BNC2: variants seen among roughly 807,000 people sequenced by gnomAD.
The protein encoded by BNC2 is zinc finger protein basonuclin-2.
A neutral mutation model predicts 76.3 loss-of-function variants in BNC2; 20 were observed. The ratio of observed to expected loss-of-function variants is 0.26; its 90% CI spans 0.18 to 0.38. The LOEUF is 0.38. Ranked by LOEUF, BNC2 falls within the 10% of genes least tolerant of loss-of-function variation. The pLI is 1.00. For missense variants in BNC2, 1,382 were observed against 1,399.8 expected (o/e 0.99, Z 0.20); for synonymous variants, 582 against 514.8 (o/e 1.13, Z -1.77).
intron 5 of BNC2, among the ~76,000 whole-genome samples, chr9:16,458,633 A>G (rs1446209694): frequency 1.3e-5 from 2 of 152,256 alleles, no homozygotes; most frequent in East Asian, 3.9e-4. Context: ...TGTACAAAAA[A>G]CATTTCCTAC....
At chr9:16,641,416 A>G (rs1330944795) in intron 3 of BNC2, among the ~76,000 whole-genome samples, 1 of 152,214 alleles carries the variant, frequency 6.6e-6, no homozygotes, top group Non-Finnish European at 1.5e-5. Flanking sequence ...TCTACACCAA[A>G]TAAATTTGCT....
intron 5 of BNC2, among the ~76,000 whole-genome samples, chr9:16,446,610 G>A (rs933108202): frequency 2.6e-5 from 4 of 152,072 alleles, no homozygotes; most frequent in Non-Finnish European, 5.9e-5. Context: ...CAGGGCACTA[G>A]TTTCATGTGG....
At chr9:16,778,159 C>T (rs556887893) in intron 1 of BNC2, among the ~76,000 whole-genome samples, 1 of 152,138 alleles carries the variant, frequency 6.6e-6, no homozygotes, top group Non-Finnish European at 1.5e-5. Flanking sequence ...CAATGACTCT[C>T]ATAATGAGGA....
intron 1 of BNC2, among the ~76,000 whole-genome samples, chr9:16,813,508 G>A (rs1412690011): frequency 5.3e-5 from 8 of 151,840 alleles, no homozygotes; most frequent in South Asian, 2.1e-4. Flanking sequence ...CTCATGATCC[G>A]CCCACCTCAG....
At position 16,700,536 on chromosome 9, in the gene BNC2, C is replaced by G. The variant is rs558714636; in HGVS notation, c.330+27261G>C. Reference sequence around the variant, plus strand: ...TGCTGCGCAAGCTGGACTCAAAACTCCTCGGCTCAAGCAATCCTCCTGACT... The same window carrying G: ...TGCTGCGCAAGCTGGACTCAAAACTGCTCGGCTCAAGCAATCCTCCTGACT... On this transcript the variant is annotated intron_variant, in intron 3 of 6. Transcript: ENST00000380672. Among the ~76,000 whole-genome samples the G allele has an allele frequency of 4.6e-5, 7 of 152,334 alleles. No individual in the cohort carries two copies. The South Asian group carries it at 1.5e-3, about 32-fold the overall frequency.
At chr9:16,816,091 C>CT (rs1313551530) in intron 1 of BNC2, among the ~76,000 whole-genome samples, 1 of 152,074 alleles carries the variant, frequency 6.6e-6, no homozygotes, top group East Asian at 1.9e-4. Context: ...AAACATTTCC[C>CT]TTTTTTCCCT....
intron 1 of BNC2, among the ~76,000 whole-genome samples, chr9:16,812,222 G>A (rs572597975): frequency 1.3e-5 from 2 of 152,372 alleles, no homozygotes; most frequent in Non-Finnish European, 2.9e-5. Context: ...CTGGCTTGAT[G>A]TAAGGGCTCT....
intron 3 of BNC2, among the ~76,000 whole-genome samples, chr9:16,644,856 T>C (rs1021334446): frequency 6.6e-5 from 10 of 152,210 alleles, no homozygotes; most frequent in African/African-American, 1.9e-4. Flanking sequence ...TTTTGGCTAG[T>C]GCTGATTTAG....
intron 5 of BNC2, among the ~76,000 whole-genome samples, chr9:16,470,406 G>A (rs569496540): frequency 2.6e-5 from 4 of 152,332 alleles, no homozygotes; most frequent in South Asian, 2.1e-4. Context: ...CAAGCCAGAT[G>A]CAGAAATTTG....
chr9:16,440,957 C>T (rs565385048), intron 5 of BNC2, among the ~76,000 whole-genome samples: 2 of 152,292 alleles, frequency 1.3e-5, no homozygotes, highest in Non-Finnish European at 2.9e-5. Flanking sequence ...AACAAATAGA[C>T]TTAAGAACGG....
chr9:16,645,987 T>A (rs185044375), intron 3 of BNC2, among the ~76,000 whole-genome samples: 130 of 152,290 alleles, frequency 8.5e-4, no homozygotes, highest in African/African-American at 2.9e-3. Context: ...AAGACAAAGT[T>A]CCTTTCAGGT....
Position 16,437,469 on chromosome 9 carries a change from A to C in BNC2, c.725T>G (p.Ile242Ser). Residue 242 changes from isoleucine to serine, a missense_variant, in exon 6 of 7, where the codon ATC becomes AGC. By Grantham distance (142) the Ile-to-Ser change is moderately radical. Coordinates refer to ENST00000380672, the MANE Select transcript of BNC2 (RefSeq NM_017637.6). ...RWAIMSREEEIITLQQFLRFG... is the reference protein window; with the variant it reads ...RWAIMSREEESITLQQFLRFG... ...CCGCAGAAACTGCTGAAGGGTGATG[A>C]TTTCCTCTTCTCGAGACATGATGGC... 6.2e-7 allele frequency: 1 copy of C among 1,613,756 alleles called. No individual in the cohort carries two copies. The highest frequency in any genetic ancestry group is 8.5e-7 in the Non-Finnish European group (1 of 1,179,962).
intron 3 of BNC2, among the ~76,000 whole-genome samples, chr9:16,717,902 T>C (rs1013950530): frequency 5.3e-5 from 8 of 152,118 alleles, no homozygotes; most frequent in Non-Finnish European, 1.0e-4. Context: ...CAGCAGTTGG[T>C]TTATTAAGAA....
intron 5 of BNC2, among the ~76,000 whole-genome samples, chr9:16,449,708 T>C (rs1452698151): frequency 6.6e-6 from 1 of 152,130 alleles, no homozygotes; most frequent in Non-Finnish European, 1.5e-5. Context: ...GGATCACAAT[T>C]AGTAAAAACA....
chr9:16,620,218 G>A (rs907107669), intron 3 of BNC2, among the ~76,000 whole-genome samples: 4 of 152,254 alleles, frequency 2.6e-5, no homozygotes, highest in Admixed American at 6.5e-5. Context: ...TCTGAATTCC[G>A]AGTTAAATAG....
At chr9:16,446,138 G>C (rs971820117) in intron 5 of BNC2, among the ~76,000 whole-genome samples, 1 of 152,096 alleles carries the variant, frequency 6.6e-6, no homozygotes, top group African/African-American at 2.4e-5. Flanking sequence ...ACACACATGT[G>C]CATGTACACA....
intron 2 of BNC2, among the ~76,000 whole-genome samples, chr9:16,736,769 C>T (rs998527278): frequency 9.9e-5 from 15 of 150,964 alleles, no homozygotes; most frequent in South Asian, 6.3e-4. Flanking sequence ...CCACTGGGCC[C>T]GACCTATTGT....
intron 5 of BNC2, among the ~76,000 whole-genome samples, chr9:16,454,798 G>C (rs1246399644): frequency 6.6e-6 from 1 of 152,088 alleles, no homozygotes; most frequent in African/African-American, 2.4e-5. Context: ...TAGATATCCA[G>C]AAGTTTTACA....
In BNC2 at chr9:16,425,475, G is replaced by T. The variant is rs557059946; in HGVS notation, c.2640-5826C>A. Among the ~76,000 whole-genome samples, 52 of 152,282 alleles carry T rather than the reference G, an allele frequency of 3.4e-4. No individual in the cohort carries two copies. The South Asian group carries it at 0.011, about 31-fold the overall frequency. On this transcript the variant is annotated intron_variant, in intron 6 of 6. Coordinates refer to ENST00000380672, the MANE Select transcript of BNC2 (RefSeq NM_017637.6). ...GACAGTCTCATCTTGTCAACAAGGGGCGATTCTCCTGAGAAGCCATTTAAC... is the reference window on the plus strand; with the variant it reads ...GACAGTCTCATCTTGTCAACAAGGGTCGATTCTCCTGAGAAGCCATTTAAC...
Sources: allele counts gnomAD v4.1 joint callset (sites outside exome capture counted in the v4.1 genomes callset), GRCh38; gene constraint gnomAD v4.1.1; transcripts MANE v1.5; gene names NCBI Gene and HGNC (gene_info 2026-07-23, HGNC 2026-07-21).